CPPED1: variants seen among roughly 807,000 people sequenced by gnomAD.
The protein encoded by CPPED1 is calcineurin like phosphoesterase domain containing 1.
CPPED1 carries 28 observed loss-of-function variants against 28.0 expected under a neutral mutation model. The observed-to-expected ratio is 1.00, with a 90% CI of 0.74 to 1.37. The LOEUF is 1.37. Ranked by LOEUF, CPPED1 falls within the 40% of genes most tolerant of loss-of-function variation. CPPED1 has a pLI of 0.00. For missense variants in CPPED1, 504 were observed against 416.5 expected (o/e 1.21, Z -1.83); for synonymous variants, 198 against 180.2 (o/e 1.10, Z -0.79).
chr16:12,763,364 G>A (rs1253669914), intron 2 of CPPED1, among the ~76,000 whole-genome samples: 5 of 152,128 alleles, frequency 3.3e-5, no homozygotes, highest in African/African-American at 1.2e-4. Context: ...AGCCCACCAT[G>A]GCTCGCCTTG....
intron 2 of CPPED1, among the ~76,000 whole-genome samples, chr16:12,732,302 G>A (rs2080202453): frequency 6.8e-6 from 1 of 147,584 alleles, no homozygotes; most frequent in African/African-American, 2.5e-5. Flanking sequence ...AGAAGGCTTA[G>A]AAGATAAGGT....
chr16:12,727,960 G>A lies in CPPED1; in HGVS notation c.290-22911C>T, dbSNP rs1015188288. Among the ~76,000 whole-genome samples the A allele has an allele frequency of 4.6e-5, 7 of 152,208 alleles. 1 individual carries two copies. The highest frequency in any genetic ancestry group is 3.9e-4 in the Admixed American group (6 of 15,284). ...AACTATGTTTTGTCATAGAGATCAC[G>A]TTATAACTGATGGTGAGATCTCAGG... On this transcript the variant is annotated intron_variant, in intron 2 of 3. Coordinates refer to ENST00000381774, the MANE Select transcript of CPPED1 (RefSeq NM_018340.3).
intron 2 of CPPED1, among the ~76,000 whole-genome samples, chr16:12,775,848 T>C (rs757102053): frequency 1.3e-5 from 2 of 152,184 alleles, no homozygotes; most frequent in Non-Finnish European, 2.9e-5. Flanking sequence ...GAAATAGCAA[T>C]GACACCTCCT....
intron 1 of CPPED1, among the ~76,000 whole-genome samples, chr16:12,789,474 A>G (rs957406318): frequency 1.3e-5 from 2 of 152,220 alleles, no homozygotes; most frequent in African/African-American, 4.8e-5. Context: ...CAAGCCAGGA[A>G]TGCCTAGGTC....
intron 1 of CPPED1, among the ~76,000 whole-genome samples, chr16:12,782,803 G>A (rs952877786): frequency 3.3e-5 from 5 of 151,900 alleles, no homozygotes; most frequent in African/African-American, 4.8e-5. Flanking sequence ...CCCGGAAGGC[G>A]GAGGTTGCAG....
rs573754047 is a variant in CPPED1 at position 12,803,848 on chromosome 16, C to T, written c.-72G>A. On this transcript the variant is annotated 5_prime_UTR_variant, in exon 1 of 4. Transcript: ENST00000381774. ...GCCGCGCGACTTCACACAGAACAAC[C>T]GCTGGACCTGTCCCGCTTTGGGCGA... is the stretch of plus-strand genomic sequence containing the variant. 1.4e-6 allele frequency: 2 copies of T among 1,421,264 alleles called. No individual in the cohort carries two copies. Among genetic ancestry groups the T allele is most frequent in the Non-Finnish European group, 1.9e-6 (2 of 1,047,558 alleles). 88.0% of individuals were successfully genotyped at this position (1,421,264 alleles called of 1,614,324 possible). A position where few individuals can be genotyped will look rare whatever the true frequency, so the allele number is the denominator to read the frequency against.
chr16:12,703,405 T>A (rs2080030621), intron 3 of CPPED1, among the ~76,000 whole-genome samples: 1 of 152,130 alleles, frequency 6.6e-6, no homozygotes, highest in South Asian at 2.1e-4. Context: ...TTAATCCACC[T>A]CACCAGAGGA....
intron 1 of CPPED1, among the ~76,000 whole-genome samples, chr16:12,792,169 TCTCAAA>T: frequency 6.6e-6 from 1 of 152,096 alleles, no homozygotes; most frequent in Non-Finnish European, 1.5e-5. Context: ...GCCAGACTGG[TCTCAAA>T]CTCCTGACTT....
chr16:12,684,134 T>G (rs1421788857), intron 3 of CPPED1, among the ~76,000 whole-genome samples: 1 of 152,206 alleles, frequency 6.6e-6, no homozygotes, highest in African/African-American at 2.4e-5. Flanking sequence ...CAGCCTGCCA[T>G]GCTAGTGCCC....
At position 12,716,572 on chromosome 16, in the gene CPPED1, C is replaced by T. The variant is rs879362921; in HGVS notation, c.290-11523G>A. On this transcript the variant is annotated intron_variant, in intron 2 of 3. Coordinates refer to ENST00000381774, the MANE Select transcript of CPPED1 (RefSeq NM_018340.3). ...GTCTGAACTCAGGTGTTTGTGGCTACGCCCCTAAAACTTCAGTCCTATTTG... is the reference window on the plus strand; with the variant it reads ...GTCTGAACTCAGGTGTTTGTGGCTATGCCCCTAAAACTTCAGTCCTATTTG... 2.8e-3 allele frequency among the ~76,000 whole-genome samples: 430 copies of T among 152,310 alleles called. 1 individual carries two copies. Among genetic ancestry groups the T allele is most frequent in the Non-Finnish European group, 3.2e-3 (218 of 68,034 alleles).
Position 12,762,357 on chromosome 16 carries a change from T to TC in CPPED1, c.289+18827_289+18828insG, listed in dbSNP as rs960651237. On this transcript the variant is annotated intron_variant, in intron 2 of 3. Coordinates refer to ENST00000381774, the MANE Select transcript of CPPED1 (RefSeq NM_018340.3). ...ATGATATTGTACTAGTTATGCTGTA[T>TC]GTCAGGGCAAGAATCTAATTTCCAC... Among the ~76,000 whole-genome samples the TC allele has an allele frequency of 7.2e-4, 110 of 152,360 alleles. 1 individual carries two copies. The highest frequency in any genetic ancestry group is 2.6e-3 in the African/African-American group (107 of 41,582).
At chr16:12,705,969 T>G (rs894269149) in intron 2 of CPPED1, among the ~76,000 whole-genome samples, 1 of 152,232 alleles carries the variant, frequency 6.6e-6, no homozygotes, top group African/African-American at 2.4e-5. Context: ...GCTGTAACTG[T>G]GGATTGATCT....
At chr16:12,789,583 T>C (rs2080584163) in intron 1 of CPPED1, among the ~76,000 whole-genome samples, 1 of 152,172 alleles carries the variant, frequency 6.6e-6, no homozygotes, top group Non-Finnish European at 1.5e-5. Context: ...TGGAGTGCAG[T>C]GGCATGACCT....
chr16:12,756,242 A>G (rs2080367101), intron 2 of CPPED1, among the ~76,000 whole-genome samples: 1 of 152,222 alleles, frequency 6.6e-6, no homozygotes, highest in African/African-American at 2.4e-5. Flanking sequence ...CATACTGAGA[A>G]GCTGTGGATG....
chr16:12,769,613 A>G (rs2080458588), intron 2 of CPPED1, among the ~76,000 whole-genome samples: 7 of 152,178 alleles, frequency 4.6e-5, no homozygotes. Flanking sequence ...CAGCCTCAGC[A>G]GAAGGGCGGC....
intron 3 of CPPED1, among the ~76,000 whole-genome samples, chr16:12,675,053 G>T (rs1222582925): frequency 6.6e-6 from 1 of 152,194 alleles, no homozygotes; most frequent in Non-Finnish European, 1.5e-5. Context: ...CATGCCGACA[G>T]GCCACAAGGA....
In CPPED1 at chr16:12,732,378, G is replaced by A. The variant is rs557268262; in HGVS notation, c.290-27329C>T. ...AAAAAAAAAAGGAAATAATATTTGA[G>A]GACCAGAACAAGAGGTCCAATATTT... is the stretch of plus-strand genomic sequence containing the variant. On this transcript the variant is annotated intron_variant, in intron 2 of 3. Coordinates refer to ENST00000381774, the MANE Select transcript of CPPED1 (RefSeq NM_018340.3). Among the ~76,000 whole-genome samples the A allele has an allele frequency of 2.0e-5, 3 of 149,004 alleles. No homozygotes were observed. In the East Asian group the frequency reaches 5.9e-4, roughly 29 times the overall value.
chr16:12,798,081 C>A (rs757390670), intron 1 of CPPED1, among the ~76,000 whole-genome samples: 1 of 151,738 alleles, frequency 6.6e-6, no homozygotes, highest in East Asian at 1.9e-4. Context: ...AAGACCACCT[C>A]AAAAGAAATA....
rs11075143 is a variant in CPPED1 at position 12,711,496 on chromosome 16, G to C, written c.290-6447C>G. Among the ~76,000 whole-genome samples, 12 of 152,100 alleles carry C rather than the reference G, an allele frequency of 7.9e-5. No homozygotes were observed. In the East Asian group the frequency reaches 2.3e-3, roughly 29 times the overall value. On this transcript the variant is annotated intron_variant, in intron 2 of 3. Transcript: ENST00000381774. ...GTTAAGGTGGTACATGTAACGTTACGTATATTCTGCCATGCTAAAAGAAAA... is the reference window on the plus strand; with the variant it reads ...GTTAAGGTGGTACATGTAACGTTACCTATATTCTGCCATGCTAAAAGAAAA...
Sources: allele counts gnomAD v4.1 joint callset (sites outside exome capture counted in the v4.1 genomes callset), GRCh38; gene constraint gnomAD v4.1.1; transcripts MANE v1.5; gene names NCBI Gene and HGNC (gene_info 2026-07-23, HGNC 2026-07-21).